The following GALNT13 variants were observed in gnomAD, a reference collection of about 807,000 sequenced individuals.
The protein encoded by GALNT13 is polypeptide N-acetylgalactosaminyltransferase 13.
Under a neutral mutation model 64.2 loss-of-function variants are expected in GALNT13, and 28 were observed. The ratio of observed to expected loss-of-function variants is 0.44; its 90% CI spans 0.32 to 0.60. The LOEUF (loss-of-function observed/expected upper bound fraction) is 0.60, where lower values mean the gene tolerates loss of function less well. Ranked by LOEUF, GALNT13 falls within the 20% of genes least tolerant of loss-of-function variation. The pLI, the probability that GALNT13 is intolerant of heterozygous loss-of-function variation, is 0.05. For synonymous variants in GALNT13, 214 were observed against 224.6 expected, an observed-to-expected ratio of 0.95 and a Z score of 0.42; for missense variants, 577 against 669.8, an observed-to-expected ratio of 0.86 and a Z score of 1.53.
At chr2:154,057,837 C>A (rs1458066472) in intron 3 of GALNT13, among the ~76,000 whole-genome samples, 6 of 152,172 alleles carry the variant, frequency 3.9e-5, no homozygotes, top group Non-Finnish European at 1.5e-5. Flanking sequence ...AATCTACACA[C>A]TAAATGTTTA....
At chr2:154,175,064 TC>T (rs1376341839) in intron 4 of GALNT13, among the ~76,000 whole-genome samples, 1 of 152,256 alleles carries the variant, frequency 6.6e-6, no homozygotes, top group East Asian at 1.9e-4. Context: ...TGCATAATAT[TC>T]CCTATCATTT....
the GALNT13 span, among the ~76,000 whole-genome samples, chr2:153,119,945 A>T: frequency 6.6e-6 from 1 of 152,166 alleles, no homozygotes; most frequent in African/African-American, 2.4e-5. Flanking sequence ...TGCCCTACAT[A>T]TCCACTATCT....
chr2:154,271,923 G>A (rs567763341), intron 8 of GALNT13, among the ~76,000 whole-genome samples: 16 of 151,836 alleles, frequency 1.1e-4, no homozygotes, highest in South Asian at 2.1e-4. Context: ...AATGGTACTC[G>A]CAAGACATCC....
chr2:154,145,889 G>C (rs1683563368), intron 4 of GALNT13, among the ~76,000 whole-genome samples: 1 of 151,904 alleles, frequency 6.6e-6, no homozygotes, highest in African/African-American at 2.4e-5. Flanking sequence ...ATTGCACAAA[G>C]GAGAAATAGA....
chr2:153,844,466 C>T, the GALNT13 span, among the ~76,000 whole-genome samples: 1 of 152,192 alleles, frequency 6.6e-6, no homozygotes, highest in Non-Finnish European at 1.5e-5. Flanking sequence ...GCAACAAAAT[C>T]ATTCTTCCCT....
the GALNT13 span, among the ~76,000 whole-genome samples, chr2:153,522,814 T>G: frequency 6.6e-6 from 1 of 152,170 alleles, no homozygotes; most frequent in Non-Finnish European, 1.5e-5. Flanking sequence ...GCTTTTTGAT[T>G]CTCTTCATAG....
At chr2:153,333,240 G>A in the GALNT13 span, among the ~76,000 whole-genome samples, 1 of 152,184 alleles carries the variant, frequency 6.6e-6, no homozygotes, top group Non-Finnish European at 1.5e-5. Context: ...CTCACAGAAT[G>A]TTCAAGCCTC....
At chr2:153,101,009 TCCAGCCTGGGTGACA>T in the GALNT13 span, among the ~76,000 whole-genome samples, 1 of 150,258 alleles carries the variant, frequency 6.7e-6, no homozygotes, top group African/African-American at 2.4e-5. Flanking sequence ...AGTGTGAGAC[TCCAGCCTGGGTGACA>T]GAGTGAGACT....
intron 1 of GALNT13, among the ~76,000 whole-genome samples, chr2:153,892,506 A>G (rs996293085): frequency 2.0e-5 from 3 of 152,044 alleles, no homozygotes; most frequent in African/African-American, 7.2e-5. Context: ...GAAAGGCCCC[A>G]GATTTAAAGT....
intron 8 of GALNT13, among the ~76,000 whole-genome samples, chr2:154,275,412 C>T (rs916859325): frequency 2.0e-5 from 3 of 152,164 alleles, no homozygotes; most frequent in Admixed American, 2.0e-4. Context: ...TGCTCTGCAT[C>T]CCAGATGCTC....
intron 3 of GALNT13, among the ~76,000 whole-genome samples, chr2:153,966,352 T>C (rs145394722): frequency 3.3e-3 from 500 of 150,290 alleles, no homozygotes; most frequent in Non-Finnish European, 5.1e-3. Flanking sequence ...GCTTCTTTTT[T>C]TGTTGCTGTT....
chr2:153,675,270 G>A, the GALNT13 span, among the ~76,000 whole-genome samples: 3 of 152,200 alleles, frequency 2.0e-5, no homozygotes, highest in Admixed American at 2.0e-4. Flanking sequence ...CGCACTGTTT[G>A]CAATAGCAAA....
the GALNT13 span, among the ~76,000 whole-genome samples, chr2:153,547,738 A>C: frequency 6.6e-6 from 1 of 152,168 alleles, no homozygotes; most frequent in African/African-American, 2.4e-5. Flanking sequence ...TTAGATTATG[A>C]GGATGTTATT....
chr2:154,283,599 A>G (rs1018080143), intron 8 of GALNT13, among the ~76,000 whole-genome samples: 34 of 151,706 alleles, frequency 2.2e-4, no homozygotes, highest in African/African-American at 7.5e-4. Flanking sequence ...AAAAAATTAT[A>G]CTTCAGTTTC....
the GALNT13 span, among the ~76,000 whole-genome samples, chr2:153,642,236 T>A: frequency 6.6e-6 from 1 of 151,996 alleles, no homozygotes; most frequent in Non-Finnish European, 1.5e-5. Flanking sequence ...TTATTAATTC[T>A]TAATAAGTAT....
the GALNT13 span, among the ~76,000 whole-genome samples, chr2:153,531,420 G>A: frequency 2.0e-5 from 3 of 152,110 alleles, no homozygotes; most frequent in African/African-American, 7.2e-5. Context: ...GCTTTATTGG[G>A]ATGGTGCTAA....
chr2:153,886,534 A>C (rs1039999682), intron 1 of GALNT13, among the ~76,000 whole-genome samples: 3 of 152,072 alleles, frequency 2.0e-5, no homozygotes, highest in Non-Finnish European at 4.4e-5. Flanking sequence ...AACTATAGCA[A>C]AGACAAAAAA....
the GALNT13 span, among the ~76,000 whole-genome samples, chr2:153,734,949 A>G: frequency 6.6e-6 from 1 of 152,106 alleles, no homozygotes; most frequent in African/African-American, 2.4e-5. Context: ...TTTCTCTTGC[A>G]CCTACCTGAG....
At chr2:154,332,774 A>G (rs1385738892) in intron 9 of GALNT13, among the ~76,000 whole-genome samples, 1 of 152,130 alleles carries the variant, frequency 6.6e-6, no homozygotes, top group Non-Finnish European at 1.5e-5. Context: ...ATTTAACTCA[A>G]TCCTAAAGGC....
Sources: gnomAD v4.1 joint callset for allele counts (sites outside exome capture counted in the v4.1 genomes callset) on GRCh38, gnomAD v4.1.1 for gene constraint, MANE v1.5 for transcripts, NCBI Gene and HGNC (gene_info 2026-07-23, HGNC 2026-07-21) for gene names.